Variants in CCDC80 observed in about 807,000 individuals in gnomAD.
CCDC80 encodes the protein coiled-coil domain-containing protein 80.
A neutral mutation model predicts 78.7 loss-of-function variants in CCDC80; 49 were observed. The ratio of observed to expected loss-of-function variants is 0.62; its 90% confidence interval spans 0.50 to 0.79. The LOEUF (loss-of-function observed/expected upper bound fraction) is 0.79. Ranked by LOEUF, CCDC80 falls within the 30% of genes least tolerant of loss-of-function variation. The probability of loss-of-function intolerance (pLI) is 0.00; values close to 1 mark genes in which losing one functional copy is unlikely to be tolerated. For synonymous variants in CCDC80, 488 were observed against 447.0 expected (o/e 1.09, Z -1.16); for missense variants, 1,205 against 1,198.6 (o/e 1.01, Z -0.08).
In CCDC80 at chr3:112,621,579, T is replaced by C. The variant is rs1173802001; in HGVS notation, c.2036-2475A>G. Among the ~76,000 whole-genome samples, 3 of 152,210 alleles carry C rather than the reference T, an allele frequency of 2.0e-5. No homozygotes were observed. The East Asian group carries it at 5.8e-4, about 29-fold the overall frequency. ...TGGTCTTTGTTACCTCACCTTATTA[T>C]GGCAATAGAAAACTGAATATAGACA... is the stretch of plus-strand genomic sequence containing the variant. On this transcript the variant is annotated intron_variant, in intron 3 of 7. Coordinates refer to ENST00000206423, the MANE Select transcript of CCDC80 (RefSeq NM_199511.3).
rs766224764 is a variant in CCDC80 at position 112,638,738 on chromosome 3, G to A, written c.1168C>T (p.Pro390Ser). The A allele has an allele frequency of 3.7e-6, 6 of 1,613,804 alleles. No individual in the cohort carries two copies. The highest frequency in any genetic ancestry group is 1.3e-5 in the African/African-American group (1 of 74,856). ...GTAGGGGGCCTGTGGGAGGGTGAGG[G>A]GGTCCAGGGCCTCTGCGTGGTGGGA... ...AFPTTQRPWT[P>S]SPSHRPPTTT... Residue 390 changes from proline (P) to serine (S), a missense_variant, in exon 2 of 8, where the codon CCC becomes TCC. Transcript: ENST00000206423.
chr3:112,607,815 C>A (rs1413382084), intron 6 of CCDC80, among the ~76,000 whole-genome samples: 1 of 152,104 alleles, frequency 6.6e-6, no homozygotes, highest in Non-Finnish European at 1.5e-5. Flanking sequence ...TTCATTGGAA[C>A]ATTAAAATAT....
intron 6 of CCDC80, among the ~76,000 whole-genome samples, chr3:112,609,324 T>C (rs1375166872): frequency 1.3e-5 from 2 of 152,224 alleles, no homozygotes; most frequent in Non-Finnish European, 2.9e-5. Flanking sequence ...ATAAAGCATA[T>C]ATTCGTTTTC....
intron 4 of CCDC80, among the ~76,000 whole-genome samples, chr3:112,618,712 CATT>C (rs1182595245): frequency 2.0e-5 from 3 of 152,156 alleles, no homozygotes; most frequent in Admixed American, 6.5e-5. Flanking sequence ...GAATGTAAAA[CATT>C]GTTGTTAGAA....
At position 112,626,969 on chromosome 3, in the gene CCDC80, A is replaced by G. The variant is rs886584022; in HGVS notation, c.2035+3144T>C. ...TTTGCTACCTCTCTTGATTACCCTC[A>G]AACTCTCCTTTCTTTGAAAGAAGTT... On this transcript the variant is annotated intron_variant, in intron 3 of 7. Coordinates refer to ENST00000206423, the MANE Select transcript of CCDC80 (RefSeq NM_199511.3). Among the ~76,000 whole-genome samples the G allele has an allele frequency of 2.0e-5, 3 of 152,288 alleles. No individual in the cohort carries two copies. The East Asian group carries it at 5.8e-4, about 29-fold the overall frequency.
chr3:112,631,674 A>C (rs1257500148), intron 2 of CCDC80, among the ~76,000 whole-genome samples: 4 of 152,142 alleles, frequency 2.6e-5, no homozygotes, highest in African/African-American at 9.7e-5. Context: ...CCTCTTCCAA[A>C]TATTTTATCA....
chr3:112,622,846 TTG>T (rs1935894584), intron 3 of CCDC80, among the ~76,000 whole-genome samples: 1 of 135,824 alleles, frequency 7.4e-6, no homozygotes, highest in Admixed American at 7.4e-5. Context: ...TTTTTTTTTT[TTG>T]TATTTTTAGT....
At chr3:112,625,770 G>A (rs1245737575) in intron 3 of CCDC80, among the ~76,000 whole-genome samples, 2 of 152,130 alleles carry the variant, frequency 1.3e-5, no homozygotes, top group African/African-American at 4.8e-5. Flanking sequence ...TGTGGGTGCA[G>A]GGAGTAGCAG....
At position 112,604,058 on chromosome 3, in the gene CCDC80, G is replaced by A. The variant is rs1473596999; in HGVS notation, c.*1359C>T. 6.6e-6 allele frequency: 1 copy of A among 152,222 alleles called. No homozygotes were observed. The allele number at this position is 152,222 out of a possible 1,614,324, so 9.4% of individuals were successfully genotyped here. ...GCAATCTCATTACAAAAGTTTAATA[G>A]ATGAAGACTTGCTTCTTATGAATGA... On this transcript the variant is annotated 3_prime_UTR_variant, in exon 8 of 8. Transcript: ENST00000206423.
At chr3:112,626,121 A>C (rs1463732477) in intron 3 of CCDC80, among the ~76,000 whole-genome samples, 2 of 152,224 alleles carry the variant, frequency 1.3e-5, no homozygotes, top group Non-Finnish European at 2.9e-5. Flanking sequence ...TGGTCTTGAC[A>C]CTGATATGCT....
rs62264581 is a variant in CCDC80 at position 112,626,618 on chromosome 3, G to T, written c.2035+3495C>A. On this transcript the variant is annotated intron_variant, in intron 3 of 7. Transcript: ENST00000206423. ...GTTAGAGTGTACTGGCATAATCTTG[G>T]CTCACTGCAACCTCTGCCTCCCAGG... 7.4e-3 allele frequency among the ~76,000 whole-genome samples: 1,120 copies of T among 152,092 alleles called. 4 individuals are homozygous for T. Among genetic ancestry groups the T allele is most frequent in the Admixed American group, 0.012 (178 of 15,276 alleles).
Position 112,630,657 on chromosome 3 carries a change from C to T in CCDC80, c.1879-388G>A, listed in dbSNP as rs567134443. 7.9e-5 allele frequency among the ~76,000 whole-genome samples: 12 copies of T among 152,282 alleles called. No individual in the cohort carries two copies. In the South Asian group the frequency reaches 1.5e-3, roughly 18 times the overall value. ...CTAATTTTGATCTTCATTATTCTCA[C>T]TGGCTGATTAGATATTGGTTAATAC... On this transcript the variant is annotated intron_variant, in intron 2 of 7. Coordinates refer to ENST00000206423, the MANE Select transcript of CCDC80 (RefSeq NM_199511.3).
At chr3:112,623,698 G>T (rs1935911754) in intron 3 of CCDC80, among the ~76,000 whole-genome samples, 1 of 151,976 alleles carries the variant, frequency 6.6e-6, no homozygotes, top group African/African-American at 2.4e-5. Flanking sequence ...CCTTGTCATA[G>T]CATACAAGAT....
chr3:112,630,086 T>C, intron 3 of CCDC80, 27 bp downstream of exon 3: 1 of 1,605,686 alleles, frequency 6.2e-7, no homozygotes. Context: ...AGAAAAACAA[T>C]AATATAATTA....
rs1935385103 is a variant in CCDC80, at chr3:112,602,122, CATT to C, written c.*3292_*3294del. On this transcript the variant is annotated 3_prime_UTR_variant, in exon 8 of 8. Transcript: ENST00000206423. ...ATTCTTGCCATATTTCACACTGTTT[CATT>C]ATTATCTCTGTTATTAAAATCTGTA... 6.6e-6 allele frequency: 1 copy of C among 152,166 alleles called. No homozygotes were observed. The highest frequency in any genetic ancestry group is 2.4e-5 in the African/African-American group (1 of 41,440). The allele number at this position is 152,166 out of a possible 1,614,324, so 9.4% of individuals were successfully genotyped here.
intron 6 of CCDC80, 139 bp from the exon 7 acceptor site, chr3:112,607,395 C>G: frequency 3.8e-6 from 2 of 519,790 alleles, no homozygotes; most frequent in Non-Finnish European, 6.5e-6. Context: ...GAAGAATAAT[C>G]CATTTTAAAT....
In CCDC80 at chr3:112,598,693, A is replaced by T. The variant is rs1576774092; in HGVS notation, c.*6724T>A. 6.6e-6 allele frequency: 1 copy of T among 152,168 alleles called. No individual in the cohort carries two copies. Among genetic ancestry groups the T allele is most frequent in the East Asian group, 1.9e-4 (1 of 5,196 alleles). The allele number at this position is 152,168 out of a possible 1,614,324, so 9.4% of individuals were successfully genotyped here. On this transcript the variant is annotated 3_prime_UTR_variant, in exon 8 of 8. Transcript: ENST00000206423. ...GTCCAAGCTTTAGGATATTAGAGAG[A>T]TTACGCATTTGTGGTCTCAAGTTAG...
rs1485127269 is a variant in CCDC80, at chr3:112,602,842, G to T, written c.*2575C>A. 1.3e-5 allele frequency: 2 copies of T among 152,094 alleles called. No individual in the cohort carries two copies. Among genetic ancestry groups the T allele is most frequent in the Non-Finnish European group, 2.9e-5 (2 of 68,060 alleles). The allele number at this position is 152,094 out of a possible 1,614,324, so 9.4% of individuals were successfully genotyped here. A position where few individuals can be genotyped will look rare whatever the true frequency, so the allele number is the denominator to read the frequency against. ...AGAAGCTGCAGTAAGTTATCCAGAA[G>T]ATCTAGTTAAGATAATTAATGAAAG... On this transcript the variant is annotated 3_prime_UTR_variant, in exon 8 of 8. Transcript: ENST00000206423.
intron 2 of CCDC80, among the ~76,000 whole-genome samples, chr3:112,637,464 C>T (rs944764551): frequency 6.6e-6 from 1 of 152,176 alleles, no homozygotes. Flanking sequence ...ACCCACTCCC[C>T]ACCCAGGCTG....
Sources: allele counts gnomAD v4.1 joint callset (sites outside exome capture counted in the v4.1 genomes callset), GRCh38; gene constraint gnomAD v4.1.1; transcripts MANE v1.5; gene names NCBI Gene and HGNC (gene_info 2026-07-23, HGNC 2026-07-21).